The following STK3 variants were observed in gnomAD, a reference collection of about 807,000 sequenced individuals.
STK3 encodes serine/threonine-protein kinase 3.
A neutral mutation model predicts 58.0 loss-of-function variants in STK3; 41 were observed. The observed-to-expected ratio is 0.71, with a 90% CI of 0.55 to 0.92. The LOEUF is 0.92. STK3 is among the 40% of genes least tolerant of loss of function. STK3 has a pLI of 0.00. For synonymous variants in STK3, 170 were observed against 191.0 expected, an observed-to-expected ratio of 0.89 and a Z score of 0.91; for missense variants, 479 against 602.7, an observed-to-expected ratio of 0.79 and a Z score of 2.15.
intron 6 of STK3, among the ~76,000 whole-genome samples, chr8:98,628,419 G>A (rs566007814): frequency 6.6e-6 from 1 of 152,266 alleles, no homozygotes; most frequent in Non-Finnish European, 1.5e-5. Context: ...CCCTGAAGCA[G>A]AAAGAATTTT....
chr8:98,715,349 T>C (rs1200526665), intron 4 of STK3, among the ~76,000 whole-genome samples: 1 of 151,764 alleles, frequency 6.6e-6, no homozygotes, highest in Non-Finnish European at 1.5e-5. Flanking sequence ...ACAGGCAACC[T>C]ACAGAATGGG....
chr8:98,703,007 T>C (rs989451319), intron 6 of STK3, among the ~76,000 whole-genome samples: 1 of 152,232 alleles, frequency 6.6e-6, no homozygotes, highest in Non-Finnish European at 1.5e-5. Context: ...GGCAACTTTG[T>C]AGATTATTGA....
intron 6 of STK3, among the ~76,000 whole-genome samples, chr8:98,622,001 C>T (rs550766572): frequency 1.7e-4 from 26 of 150,464 alleles, no homozygotes; most frequent in East Asian, 7.8e-4. Flanking sequence ...CGGTGGCTAA[C>T]GCCTGTAATC....
chr8:98,815,206 A>T (rs2515223), intron 1 of STK3, among the ~76,000 whole-genome samples: 10,087 of 152,290 alleles, frequency 0.066, 458 homozygotes, highest in Non-Finnish European at 0.1. Context: ...GAATTTATAT[A>T]TGCCCAATTT....
chr8:98,466,297 C>T (rs949202031), intron 10 of STK3, among the ~76,000 whole-genome samples: 1 of 152,140 alleles, frequency 6.6e-6, no homozygotes, highest in African/African-American at 2.4e-5. Context: ...GTAGTCAAAC[C>T]TCTGTGGAGC....
At chr8:98,622,004 C>T (rs1818365553) in intron 6 of STK3, among the ~76,000 whole-genome samples, 1 of 151,196 alleles carries the variant, frequency 6.6e-6, no homozygotes, top group Non-Finnish European at 1.5e-5. Flanking sequence ...TGGCTAACGC[C>T]TGTAATCCCA....
chr8:98,655,640 AAAAAAACAAACAAC>A (rs2130750115), intron 6 of STK3, among the ~76,000 whole-genome samples: 2 of 151,746 alleles, frequency 1.3e-5, no homozygotes, highest in South Asian at 4.2e-4. Context: ...AATTTACAAG[AAAAAAACAAACAAC>A]CCCATCAAAA....
chr8:98,681,925 C>G (rs935269290), intron 6 of STK3, among the ~76,000 whole-genome samples: 1 of 152,208 alleles, frequency 6.6e-6, no homozygotes, highest in Non-Finnish European at 1.5e-5. Context: ...GGCCTACTAG[C>G]AGTGTATTAC....
At chr8:98,471,183 T>A (rs1820888874) in intron 10 of STK3, among the ~76,000 whole-genome samples, 1 of 151,950 alleles carries the variant, frequency 6.6e-6, no homozygotes, top group Admixed American at 6.6e-5. Flanking sequence ...AAACATGAAG[T>A]CACTGAGCTC....
At chr8:98,928,039 G>T (rs1839866626) in intron 1 of STK3, among the ~76,000 whole-genome samples, 1 of 152,204 alleles carries the variant, frequency 6.6e-6, no homozygotes, top group Non-Finnish European at 1.5e-5. Flanking sequence ...ATACAGGCTT[G>T]TCTGTAGGGT....
intron 10 of STK3, among the ~76,000 whole-genome samples, chr8:98,514,543 CA>C (rs773162253): frequency 8.7e-4 from 120 of 137,568 alleles, no homozygotes; most frequent in Admixed American, 2.9e-3. Flanking sequence ...TACCTCCCCA[CA>C]AAAAAAAAAA....
chr8:98,515,139 A>G (rs185619393), intron 10 of STK3, among the ~76,000 whole-genome samples: 1 of 152,196 alleles, frequency 6.6e-6, no homozygotes, highest in East Asian at 1.9e-4. Context: ...TCTTTAATCC[A>G]GTTATCCTAG....
intron 1 of STK3, chr8:98,905,047 C>T (rs1838835915): frequency 1.0e-6 from 1 of 967,334 alleles, no homozygotes; most frequent in African/African-American, 1.6e-5. Flanking sequence ...CTGGATTCCC[C>T]ATAGCCCATG....
At chr8:98,370,151 C>T (rs527665860), downstream of STK3, among the ~76,000 whole-genome samples, 4 of 149,938 alleles carry the variant, frequency 2.7e-5, no homozygotes, top group South Asian at 8.5e-4. Flanking sequence ...GTCTCTAAGG[C>T]CCATCAAGCC....
At chr8:98,673,600 G>A (rs1192704039) in intron 6 of STK3, among the ~76,000 whole-genome samples, 3 of 151,948 alleles carry the variant, frequency 2.0e-5, no homozygotes, top group Admixed American at 2.0e-4. Flanking sequence ...GATCGGAGGG[G>A]TGGGGAGGGG....
At chr8:98,731,575 T>C (rs1449946434) in intron 4 of STK3, among the ~76,000 whole-genome samples, 1 of 151,680 alleles carries the variant, frequency 6.6e-6, no homozygotes, top group Non-Finnish European at 1.5e-5. Flanking sequence ...ACCAAAAAAT[T>C]AGCCAGGCGT....
chr8:98,542,631 C>T (rs147344935), intron 9 of STK3, among the ~76,000 whole-genome samples: 19 of 152,290 alleles, frequency 1.2e-4, no homozygotes, highest in South Asian at 4.1e-4. Context: ...TTTTTATCAC[C>T]GCATGGGAAG....
intron 8 of STK3, among the ~76,000 whole-genome samples, chr8:98,579,232 A>C (rs539974742): frequency 3.9e-5 from 6 of 152,344 alleles, no homozygotes; most frequent in Non-Finnish European, 7.3e-5. Context: ...AGTAACATCA[A>C]TATAAAGTAA....
intron 10 of STK3, among the ~76,000 whole-genome samples, chr8:98,477,702 C>CGGGG (rs1286720911): frequency 0.11 from 254 of 2,234 alleles, 38 homozygotes; most frequent in Non-Finnish European, 0.13. Context: ...TCACACTTGG[C>CGGGG]GGGGGGGGGG....
Sources: allele counts gnomAD v4.1 joint callset (sites outside exome capture counted in the v4.1 genomes callset), GRCh38; gene constraint gnomAD v4.1.1; transcripts MANE v1.5; gene names NCBI Gene and HGNC (gene_info 2026-07-23, HGNC 2026-07-21).